SNTG2: variants seen among roughly 807,000 people sequenced by gnomAD.
SNTG2 encodes the protein syntrophin gamma 2.
In SNTG2, 74 loss-of-function variants were observed where a neutral mutation model predicts 70.9. The ratio of observed to expected loss-of-function variants is 1.04; its 90% CI spans 0.86 to 1.27. SNTG2 has a LOEUF of 1.27. SNTG2 is among the 50% of genes most tolerant of loss of function. The probability of loss-of-function intolerance (pLI) is 0.00; values close to 1 mark genes in which losing one functional copy is unlikely to be tolerated. For missense variants in SNTG2, 717 were observed against 690.7 expected, an observed-to-expected ratio of 1.04 and a Z score of -0.43; for synonymous variants, 278 against 273.8, an observed-to-expected ratio of 1.02 and a Z score of -0.15.
chr2:1,322,247 T>C (rs1048774627), intron 16 of SNTG2, among the ~76,000 whole-genome samples: 1 of 152,144 alleles, frequency 6.6e-6, no homozygotes, highest in Non-Finnish European at 1.5e-5. Flanking sequence ...AAGCATTCAG[T>C]CACAAAACTT....
chr2:1,366,319 A>G (rs752739785), intron 16 of SNTG2, among the ~76,000 whole-genome samples: 3 of 152,290 alleles, frequency 2.0e-5, no homozygotes, highest in Middle Eastern at 3.4e-3. Context: ...TACCATCAAA[A>G]ACAGGAAGAT....
chr2:1,254,306 ACT>A (rs2148148680), intron 12 of SNTG2, among the ~76,000 whole-genome samples: 1 of 152,214 alleles, frequency 6.6e-6, no homozygotes, highest in South Asian at 2.1e-4. Context: ...TAAAGCCGGG[ACT>A]CTCAACAACT....
chr2:996,803 G>A (rs1300345413), intron 1 of SNTG2, among the ~76,000 whole-genome samples: 2 of 150,370 alleles, frequency 1.3e-5, no homozygotes, highest in African/African-American at 4.9e-5. Flanking sequence ...TTGCTCTGTA[G>A]CAGTGAATGA....
At chr2:956,533 T>G (rs1324939365) in intron 1 of SNTG2, among the ~76,000 whole-genome samples, 2 of 152,178 alleles carry the variant, frequency 1.3e-5, no homozygotes, top group Non-Finnish European at 2.9e-5. Flanking sequence ...GCGCAGCACC[T>G]GCCCCCGCAA....
intron 4 of SNTG2, among the ~76,000 whole-genome samples, chr2:1,128,964 A>G (rs1033484904): frequency 6.6e-6 from 1 of 152,142 alleles, no homozygotes; most frequent in Non-Finnish European, 1.5e-5. Flanking sequence ...ATGATTACTC[A>G]TCTACTTCCA....
intron 8 of SNTG2, among the ~76,000 whole-genome samples, chr2:1,205,511 A>G (rs1484661470): frequency 6.6e-6 from 1 of 152,154 alleles, no homozygotes; most frequent in African/African-American, 2.4e-5. Context: ...GTCTGAGATG[A>G]AGACTGTCTT....
intron 1 of SNTG2, among the ~76,000 whole-genome samples, chr2:1,065,816 G>A (rs1034353733): frequency 1.3e-5 from 2 of 152,180 alleles, no homozygotes; most frequent in Admixed American, 1.3e-4. Flanking sequence ...TGAATTCCAT[G>A]TAGATTTTGG....
intron 1 of SNTG2, among the ~76,000 whole-genome samples, chr2:1,080,562 G>A (rs1030598042): frequency 1.3e-5 from 2 of 151,254 alleles, no homozygotes; most frequent in Non-Finnish European, 1.5e-5. Flanking sequence ...CCCTGTATGT[G>A]TGTGCATGAG....
intron 2 of SNTG2, among the ~76,000 whole-genome samples, chr2:1,096,730 C>T (rs1447900168): frequency 1.3e-5 from 2 of 152,170 alleles, no homozygotes; most frequent in Non-Finnish European, 2.9e-5. Flanking sequence ...TACTGGTGGA[C>T]ACTTGGGTTG....
chr2:995,141 T>C (rs948999680), intron 1 of SNTG2, among the ~76,000 whole-genome samples: 3 of 152,052 alleles, frequency 2.0e-5, no homozygotes, highest in Non-Finnish European at 2.9e-5. Context: ...TGTCCCATTC[T>C]TGATTTTAGC....
rs370454383 is a variant in SNTG2, at chr2:1,233,437, C to T, written c.720-4451C>T. On this transcript the variant is annotated intron_variant, in intron 9 of 16. Transcript: ENST00000308624. The stretch of plus-strand genomic sequence containing the variant: ...CAGCGGTGTGGGCGGGATTCGGAGG[C>T]CTTTCTGCATGTGGACAGGAAGACC... Among the ~76,000 whole-genome samples, 5 of 152,272 alleles carry T rather than the reference C, an allele frequency of 3.3e-5. No individual in the cohort carries two copies. The East Asian group carries it at 7.7e-4, about 24-fold the overall frequency.
chr2:1,281,552 G>A (rs531196394), intron 14 of SNTG2, among the ~76,000 whole-genome samples: 28 of 151,634 alleles, frequency 1.8e-4, no homozygotes, highest in African/African-American at 6.3e-4. Flanking sequence ...GTGTGTATGT[G>A]GTGTGTGTGT....
intron 6 of SNTG2, among the ~76,000 whole-genome samples, chr2:1,152,013 A>T (rs1212547043): frequency 6.6e-6 from 1 of 152,182 alleles, no homozygotes; most frequent in African/African-American, 2.4e-5. Flanking sequence ...TAAATACGTA[A>T]GCATTTATGG....
intron 4 of SNTG2, among the ~76,000 whole-genome samples, chr2:1,137,216 C>T (rs1359498845): frequency 6.6e-6 from 1 of 151,268 alleles, no homozygotes; most frequent in East Asian, 2.0e-4. Flanking sequence ...ACATCCATGG[C>T]ACACACATCA....
chr2:1,352,944 A>G (rs1244869280), intron 16 of SNTG2, among the ~76,000 whole-genome samples: 1 of 152,140 alleles, frequency 6.6e-6, no homozygotes, highest in Non-Finnish European at 1.5e-5. Context: ...CATTCTCATC[A>G]GCCACCTCAT....
At chr2:1,131,937 A>C (rs934556141) in intron 4 of SNTG2, among the ~76,000 whole-genome samples, 1 of 152,188 alleles carries the variant, frequency 6.6e-6, no homozygotes, top group African/African-American at 2.4e-5. Context: ...GGCGTGAGCC[A>C]CCGCACCTGG....
chr2:1,095,776 CA>C (rs1475627877), intron 2 of SNTG2, among the ~76,000 whole-genome samples: 1 of 152,186 alleles, frequency 6.6e-6, no homozygotes, highest in Non-Finnish European at 1.5e-5. Context: ...CTTACACTAA[CA>C]GCTACAATTT....
chr2:965,555 G>GTCCTC (rs1258382904), intron 1 of SNTG2, among the ~76,000 whole-genome samples: 1 of 148,602 alleles, frequency 6.7e-6, no homozygotes, highest in East Asian at 2.0e-4. Flanking sequence ...TGACCCCCTG[G>GTCCTC]TCCTCTTCTG....
chr2:1,138,114 T>C (rs1264895282), intron 6 of SNTG2, among the ~76,000 whole-genome samples: 2 of 152,160 alleles, frequency 1.3e-5, no homozygotes. Flanking sequence ...TCACCCGGGA[T>C]TCCTGAAGTG....
Sources: allele counts gnomAD v4.1 joint callset (sites outside exome capture counted in the v4.1 genomes callset), GRCh38; gene constraint gnomAD v4.1.1; transcripts MANE v1.5; gene names NCBI Gene and HGNC (gene_info 2026-07-23, HGNC 2026-07-21).